The following CCDC60 variants were observed in gnomAD, a reference collection of about 807,000 sequenced individuals.
CCDC60 encodes coiled-coil domain-containing protein 60.
A neutral mutation model predicts 63.5 loss-of-function variants in CCDC60; 54 were observed. That is an observed-to-expected ratio of 0.85 (90% confidence interval 0.68 to 1.07). The LOEUF (loss-of-function observed/expected upper bound fraction) is 1.07, where lower values mean the gene tolerates loss of function less well. Among genes scored for constraint, CCDC60 ranks in the 50% least tolerant of loss-of-function variants. The probability of loss-of-function intolerance (pLI) is 0.00; values close to 1 mark genes in which losing one functional copy is unlikely to be tolerated. For missense variants in CCDC60, 651 were observed against 684.3 expected, an observed-to-expected ratio of 0.95 and a Z score of 0.54; for synonymous variants, 206 against 238.8, an observed-to-expected ratio of 0.86 and a Z score of 1.27.
chr12:119,349,167 G>T (rs1050616912), intron 1 of CCDC60, among the ~76,000 whole-genome samples: 1 of 151,924 alleles, frequency 6.6e-6, no homozygotes, highest in Admixed American at 6.6e-5. Flanking sequence ...TTTTACTGGG[G>T]GTGGGTGGGT....
chr12:119,402,250 C>G (rs1163682150), intron 1 of CCDC60: 4 of 152,180 alleles, frequency 2.6e-5, no homozygotes, highest in African/African-American at 9.7e-5. Context: ...TGCCAAAGAC[C>G]CTGGCTGGTG....
chr12:119,481,052 CCACCATCATCATCAT>C (rs1286585104), intron 4 of CCDC60, among the ~76,000 whole-genome samples: 379 of 150,182 alleles, frequency 2.5e-3, no homozygotes, highest in African/African-American at 8.1e-3. Flanking sequence ...ATCATCCTCA[CCACCATCATCATCAT>C]CACCATCATC....
chr12:119,470,518 A>G (rs1379233918), intron 2 of CCDC60, among the ~76,000 whole-genome samples: 3 of 152,200 alleles, frequency 2.0e-5, no homozygotes, highest in Non-Finnish European at 4.4e-5. Flanking sequence ...CATATTCCCA[A>G]TGGACATTTG....
rs949271938 is a variant in CCDC60, at chr12:119,368,237, G to T, written c.90+32971G>T. Among the ~76,000 whole-genome samples the T allele has an allele frequency of 1.7e-4, 25 of 148,396 alleles. No individual in the cohort carries two copies. In the East Asian group the frequency reaches 5.6e-3, roughly 34 times the overall value. ...GGGGGAGGAAGAGGAGGAGGAGGAG[G>T]GGGAGGAGAAGATAGAAAAGAAGAA... On this transcript the variant is annotated intron_variant, in intron 1 of 13. Transcript: ENST00000327554.
chr12:119,422,479 GC>G (rs1428629285), intron 1 of CCDC60, among the ~76,000 whole-genome samples: 1 of 152,214 alleles, frequency 6.6e-6, no homozygotes, highest in Non-Finnish European at 1.5e-5. Flanking sequence ...GCCTCAGGGA[GC>G]TTTTACTCAT....
At chr12:119,496,424 T>C (rs1951716791) in intron 5 of CCDC60, among the ~76,000 whole-genome samples, 1 of 152,132 alleles carries the variant, frequency 6.6e-6, no homozygotes, top group African/African-American at 2.4e-5. Context: ...TTCTGGCAAA[T>C]AGGATCCCCT....
intron 7 of CCDC60, among the ~76,000 whole-genome samples, chr12:119,509,347 G>A (rs560565529): frequency 2.6e-5 from 4 of 152,252 alleles, no homozygotes; most frequent in South Asian, 2.1e-4. Context: ...GCTCACACTC[G>A]TAATCCTGGC....
chr12:119,420,356 A>T lies in CCDC60; in HGVS notation c.91-8327A>T, dbSNP rs1254310296. 6.6e-6 allele frequency among the ~76,000 whole-genome samples: 1 copy of T among 152,176 alleles called. No homozygotes were observed. On this transcript the variant is annotated intron_variant, in intron 1 of 13. Coordinates refer to ENST00000327554, the MANE Select transcript of CCDC60 (RefSeq NM_178499.5). This position sits in a 1 kb window ranked among gnomAD's most constrained non-coding sequence, Gnocchi z 4.1. ...CAACACCATAAAACCACCAAAATGG[A>T]GTATTATTCAGCTACAAAAAAAAGA... is the stretch of plus-strand genomic sequence containing the variant.
At chr12:119,447,855 G>C (rs568959841) in intron 2 of CCDC60, 1 of 152,546 alleles carries the variant, frequency 6.6e-6, no homozygotes, top group East Asian at 1.9e-4. Flanking sequence ...GCAGTGAGCT[G>C]AGATCGCGCC....
chr12:119,463,456 C>T (rs899866026), intron 2 of CCDC60, among the ~76,000 whole-genome samples: 1 of 152,238 alleles, frequency 6.6e-6, no homozygotes, highest in Non-Finnish European at 1.5e-5. Flanking sequence ...TTCTTTCCAG[C>T]TCTGTGACCT....
intron 1 of CCDC60, among the ~76,000 whole-genome samples, chr12:119,337,828 G>GTGTGTGTGTGTA (rs1288413302): frequency 4.7e-5 from 3 of 63,496 alleles, no homozygotes; most frequent in South Asian, 4.1e-4. Context: ...GTGTATTTGT[G>GTGTGTGTGTGTA]TGTGTGTGTG....
intron 2 of CCDC60, among the ~76,000 whole-genome samples, chr12:119,464,654 A>G (rs1452329515): frequency 6.6e-6 from 1 of 152,172 alleles, no homozygotes; most frequent in Non-Finnish European, 1.5e-5. Flanking sequence ...ATTAGCCACA[A>G]GAGCTGCCCA....
chr12:119,361,223 T>G (rs1474803976), intron 1 of CCDC60, among the ~76,000 whole-genome samples: 1 of 139,246 alleles, frequency 7.2e-6, no homozygotes. Flanking sequence ...GAGGGAGAGC[T>G]CAAGTCTATC....
chr12:119,376,628 A>G (rs936413099), intron 1 of CCDC60, among the ~76,000 whole-genome samples: 1 of 152,120 alleles, frequency 6.6e-6, no homozygotes, highest in Non-Finnish European at 1.5e-5. Flanking sequence ...ACTTTGTCTC[A>G]AAAAAATAAA....
intron 13 of CCDC60, among the ~76,000 whole-genome samples, chr12:119,538,184 T>A (rs903010166): frequency 2.6e-5 from 4 of 152,212 alleles, no homozygotes; most frequent in Non-Finnish European, 4.4e-5. Flanking sequence ...ACTGCTGCAC[T>A]AGCAGTGAGC....
chr12:119,533,425 AG>A (rs1481863356), intron 13 of CCDC60, among the ~76,000 whole-genome samples: 3 of 152,212 alleles, frequency 2.0e-5, no homozygotes, highest in African/African-American at 4.8e-5. Flanking sequence ...TAGTTTAATC[AG>A]ATCCCATTTG....
At chr12:119,497,851 T>G (rs1951749569) in intron 5 of CCDC60, among the ~76,000 whole-genome samples, 1 of 152,206 alleles carries the variant, frequency 6.6e-6, no homozygotes, top group Non-Finnish European at 1.5e-5. Context: ...GGATTGCTCC[T>G]TCTTCTGGCT....
chr12:119,530,801 TG>T, intron 12 of CCDC60, 72 bp from the exon 13 acceptor site: 1 of 1,275,898 alleles, frequency 7.8e-7, no homozygotes, highest in Non-Finnish European at 1.1e-6. Flanking sequence ...AAAGAGAAAG[TG>T]GAGATGGATG....
At chr12:119,458,497 C>T (rs991064343) in intron 2 of CCDC60, among the ~76,000 whole-genome samples, 22 of 152,096 alleles carry the variant, frequency 1.4e-4, no homozygotes, top group Admixed American at 1.2e-3. Flanking sequence ...GGTAGTTAAT[C>T]CCATGCCCCC....
Sources: allele counts gnomAD v4.1 joint callset (sites outside exome capture counted in the v4.1 genomes callset), GRCh38; gene constraint gnomAD v4.1.1; non-coding constraint Gnocchi (gnomAD v3.1); transcripts MANE v1.5; gene names NCBI Gene and HGNC (gene_info 2026-07-23, HGNC 2026-07-21).